HAAO: variants seen among roughly 807,000 people sequenced by gnomAD.
HAAO encodes 3-hydroxyanthranilate oxygenase.
A neutral mutation model predicts 46.2 loss-of-function variants in HAAO; 49 were observed. The ratio of observed to expected loss-of-function variants is 1.06; its 90% CI spans 0.84 to 1.34. The LOEUF (loss-of-function observed/expected upper bound fraction) is 1.34. Ranked by LOEUF, HAAO falls within the 40% of genes most tolerant of loss-of-function variation. The probability of loss-of-function intolerance (pLI) is 0.00; values close to 1 mark genes in which losing one functional copy is unlikely to be tolerated. For synonymous variants in HAAO, 157 were observed against 145.2 expected (o/e 1.08, Z -0.58); for missense variants, 408 against 364.5 (o/e 1.12, Z -0.97).
At chr2:42,785,534 A>G (rs932722029) in intron 2 of HAAO, among the ~76,000 whole-genome samples, 2 of 152,162 alleles carry the variant, frequency 1.3e-5, no homozygotes, top group African/African-American at 2.4e-5. Context: ...TATATTTCTC[A>G]TATTTTCTAC....
chr2:42,775,976 TG>T (rs1377181867), intron 4 of HAAO, among the ~76,000 whole-genome samples: 4 of 150,984 alleles, frequency 2.6e-5, no homozygotes, highest in African/African-American at 9.7e-5. Flanking sequence ...TAAGATCAAA[TG>T]TGGAAGAGTG....
At chr2:42,772,083 C>T (rs1238530896) in intron 4 of HAAO, among the ~76,000 whole-genome samples, 3 of 152,220 alleles carry the variant, frequency 2.0e-5, no homozygotes, top group Non-Finnish European at 4.4e-5. Flanking sequence ...TCCCTTGTGA[C>T]AAATTTTTTC....
intron 2 of HAAO, 59 bp from the exon 3 acceptor site, chr2:42,783,926 C>A: frequency 6.4e-7 from 1 of 1,563,836 alleles, no homozygotes; most frequent in Non-Finnish European, 8.7e-7. Context: ...TCCTTGGCCA[C>A]TGCCCAGGCC....
At chr2:42,769,304 C>G (rs539485544) in intron 7 of HAAO, among the ~76,000 whole-genome samples, 4 of 152,316 alleles carry the variant, frequency 2.6e-5, no homozygotes, top group Non-Finnish European at 5.9e-5. Flanking sequence ...TCTCTCCACC[C>G]AACCCTCACT....
intron 4 of HAAO, among the ~76,000 whole-genome samples, chr2:42,778,126 T>TA (rs372831587): frequency 0.2 from 29,913 of 149,762 alleles, 3,094 homozygotes; most frequent in Non-Finnish European, 0.25. Flanking sequence ...AGGATTTATT[T>TA]AAAAAAAAAA....
In HAAO at chr2:42,770,134, C is replaced by T. The variant is rs758953283; in HGVS notation, c.484+9G>A. Reference sequence around the variant, plus strand: ...AGGGAAGGAGAAGGGCAGTTCCCAGCGGCCTCACCAGGGATGGGCTTTCCT... The same window carrying T: ...AGGGAAGGAGAAGGGCAGTTCCCAGTGGCCTCACCAGGGATGGGCTTTCCT... On this transcript the variant is annotated intron_variant, in intron 6 of 9. Transcript: ENST00000294973. The T allele has an allele frequency of 6.9e-6, 11 of 1,602,528 alleles. No homozygotes were observed. In the South Asian group the frequency reaches 1.0e-4, roughly 15 times the overall value.
At chr2:42,767,972 C>T (rs746268666) in intron 7 of HAAO, 44 bp from the exon 8 acceptor site, 16 of 1,555,982 alleles carry the variant, frequency 1.0e-5, no homozygotes. Flanking sequence ...TCTTGCCCCA[C>T]ATGGGAGATG....
At chr2:42,790,953 G>A (rs1672753624) in intron 1 of HAAO, among the ~76,000 whole-genome samples, 1 of 152,106 alleles carries the variant, frequency 6.6e-6, no homozygotes, top group East Asian at 1.9e-4. Flanking sequence ...AACCAGACCT[G>A]CCCCTCCTCT....
chr2:42,774,097 A>G (rs1049471469), intron 4 of HAAO, among the ~76,000 whole-genome samples: 1 of 152,290 alleles, frequency 6.6e-6, no homozygotes, highest in African/African-American at 2.4e-5. Flanking sequence ...ACCAATGTTC[A>G]TCTTACATAT....
chr2:42,787,730 T>C (rs1558676018), intron 2 of HAAO, among the ~76,000 whole-genome samples: 1 of 152,162 alleles, frequency 6.6e-6, no homozygotes, highest in East Asian at 1.9e-4. Context: ...GGACTCTGGA[T>C]CCTGAACCCC....
chr2:42,773,069 C>T (rs1671272448), intron 4 of HAAO, among the ~76,000 whole-genome samples: 1 of 152,200 alleles, frequency 6.6e-6, no homozygotes, highest in South Asian at 2.1e-4. Flanking sequence ...AGAACCCCGG[C>T]CATGGAATCA....
chr2:42,771,203 C>T (rs1418333706), intron 4 of HAAO, among the ~76,000 whole-genome samples: 1 of 147,544 alleles, frequency 6.8e-6, no homozygotes, highest in African/African-American at 2.5e-5. Flanking sequence ...ATGGTGAAAC[C>T]CTGTCTCTAC....
intron 4 of HAAO, among the ~76,000 whole-genome samples, chr2:42,771,966 C>T (rs1255359323): frequency 1.3e-5 from 2 of 152,202 alleles, no homozygotes. Context: ...TGTTGAGTCC[C>T]TGGCTTTTAT....
At chr2:42,779,946 TTTGTATAAATA>T (rs1352322670) in intron 4 of HAAO, among the ~76,000 whole-genome samples, 1 of 152,304 alleles carries the variant, frequency 6.6e-6, no homozygotes, top group East Asian at 1.9e-4. Context: ...TTAGGCTGTA[TTTGTATAAATA>T]TATTATTGGT....
intron 4 of HAAO, among the ~76,000 whole-genome samples, chr2:42,778,836 T>C (rs1671780617): frequency 1.3e-5 from 2 of 151,888 alleles, no homozygotes; most frequent in South Asian, 4.2e-4. Flanking sequence ...TCTCGCTGGG[T>C]GTGGTGGTGG....
intron 7 of HAAO, among the ~76,000 whole-genome samples, chr2:42,769,295 C>G (rs1056136503): frequency 3.3e-5 from 5 of 152,238 alleles, no homozygotes; most frequent in African/African-American, 9.6e-5. Flanking sequence ...TTGAATCCCT[C>G]TCTCCACCCA....
intron 4 of HAAO, among the ~76,000 whole-genome samples, chr2:42,780,560 G>T (rs1379997207): frequency 6.6e-6 from 1 of 151,954 alleles, no homozygotes; most frequent in Non-Finnish European, 1.5e-5. Context: ...TGTGACATTA[G>T]AATAGAGAAG....
chr2:42,768,788 C>T (rs984922835), intron 7 of HAAO, among the ~76,000 whole-genome samples: 10 of 152,210 alleles, frequency 6.6e-5, no homozygotes, highest in African/African-American at 2.4e-4. Flanking sequence ...AGGACAAGTC[C>T]TCCCACCTTG....
chr2:42,775,913 T>C (rs1671532375), intron 4 of HAAO, among the ~76,000 whole-genome samples: 1 of 151,064 alleles, frequency 6.6e-6, no homozygotes, highest in Admixed American at 6.6e-5. Flanking sequence ...AGGTTACTCT[T>C]ACTCTTGAGT....
Sources: gnomAD v4.1 joint callset for allele counts (sites outside exome capture counted in the v4.1 genomes callset) on GRCh38, gnomAD v4.1.1 for gene constraint, MANE v1.5 for transcripts, NCBI Gene and HGNC (gene_info 2026-07-23, HGNC 2026-07-21) for gene names.